The following NPAS2 variants were observed in gnomAD, a reference collection of about 807,000 sequenced individuals.
NPAS2 encodes neuronal PAS domain protein 2.
A neutral mutation model predicts 107.5 loss-of-function variants in NPAS2; 23 were observed. The observed-to-expected ratio is 0.21, with a 90% CI of 0.15 to 0.30. NPAS2 has a LOEUF of 0.30. NPAS2 is among the 10% of genes least tolerant of loss of function. The probability of loss-of-function intolerance (pLI) is 1.00; values close to 1 mark genes in which losing one functional copy is unlikely to be tolerated. For missense variants in NPAS2, 756 were observed against 1,043.3 expected (o/e 0.72, Z 3.79); for synonymous variants, 403 against 417.5 (o/e 0.97, Z 0.42).
chr2:100,854,682 G>A (rs889322183), intron 1 of NPAS2, among the ~76,000 whole-genome samples: 1 of 152,184 alleles, frequency 6.6e-6, no homozygotes, highest in African/African-American at 2.4e-5. Flanking sequence ...TGCGAGTGAG[G>A]TGACAAGTAC....
At chr2:100,851,336 AG>A (rs1678161637) in intron 1 of NPAS2, among the ~76,000 whole-genome samples, 1 of 152,248 alleles carries the variant, frequency 6.6e-6, no homozygotes, top group Non-Finnish European at 1.5e-5. Flanking sequence ...AAATCCTGAA[AG>A]GTACTTCCTG....
chr2:100,923,564 A>G (rs1683371435), intron 2 of NPAS2, among the ~76,000 whole-genome samples: 2 of 152,198 alleles, frequency 1.3e-5, no homozygotes, highest in South Asian at 4.1e-4. Context: ...ATCAGAATCC[A>G]GCAGCACACT....
chr2:100,933,090 A>G (rs1210211305), intron 4 of NPAS2, 89 bp downstream of exon 4: 2 of 935,712 alleles, frequency 2.1e-6, no homozygotes, highest in African/African-American at 1.6e-5. Flanking sequence ...AAAGGAAACT[A>G]CTGTTCTTGA....
intron 2 of NPAS2, among the ~76,000 whole-genome samples, chr2:100,923,015 A>G (rs556482888): frequency 6.6e-6 from 1 of 152,316 alleles, no homozygotes; most frequent in South Asian, 2.1e-4. Flanking sequence ...CACTCTTTAA[A>G]ATCTAGGCCA....
Position 100,921,188 on chromosome 2 carries a change from T to C in NPAS2, c.33-3958T>C, listed in dbSNP as rs189416629. Among the ~76,000 whole-genome samples, 5 of 152,342 alleles carry C rather than the reference T, an allele frequency of 3.3e-5. No homozygotes were observed. In the East Asian group the frequency reaches 9.7e-4, roughly 29 times the overall value. On this transcript the variant is annotated intron_variant, in intron 2 of 20. Transcript: ENST00000335681. The stretch of plus-strand genomic sequence containing the variant: ...GTGCACGGCCTCACAGCGTGGGCAC[T>C]GGAGCCAGCCTGTGGCACCACTTCC...
intron 16 of NPAS2, chr2:100,985,699 C>G (rs997725216): frequency 1.3e-5 from 2 of 152,122 alleles, no homozygotes; most frequent in African/African-American, 4.8e-5. Flanking sequence ...TACTATGTCT[C>G]AGGTCATTTA....
At chr2:100,890,927 C>G (rs1354485870) in intron 1 of NPAS2, among the ~76,000 whole-genome samples, 1 of 151,936 alleles carries the variant, frequency 6.6e-6, no homozygotes, top group African/African-American at 2.4e-5. Context: ...TCTGCTTAAA[C>G]TGTAAGTAAA....
At position 100,982,675 on chromosome 2, in the gene NPAS2, C is replaced by T. The variant is rs1211314269; in HGVS notation, c.1629+298C>T. ...GTGCACTTGGCGTTGGATTGCCCTG[C>T]ATGGATGCCTGCCTCGGTCCTGGGT... On this transcript the variant is annotated intron_variant, in intron 16 of 20. Coordinates refer to ENST00000335681, the MANE Select transcript of NPAS2 (RefSeq NM_002518.4). The T allele has an allele frequency of 1.4e-5, 6 of 421,358 alleles. No individual in the cohort carries two copies. The Admixed American group carries it at 2.4e-4, about 17-fold the overall frequency. The allele number at this position is 421,358 out of a possible 1,614,324, so 26.1% of individuals were successfully genotyped here.
chr2:100,987,240 C>A (rs1558943195), intron 16 of NPAS2: 1 of 152,232 alleles, frequency 6.6e-6, no homozygotes, highest in Non-Finnish European at 1.5e-5. Context: ...CCAGCGTAAA[C>A]AACTGTTTTA....
chr2:100,993,362 G>A lies in NPAS2; in HGVS notation c.2127G>A (p.Gln709=). The change falls in exon 20 of 21, where the codon CAG becomes CAA. Residue 709 remains glutamine (Q), a synonymous_variant. Coordinates refer to ENST00000335681, the MANE Select transcript of NPAS2 (RefSeq NM_002518.4). ...TGRQVKYAQS[Q]TVFQNPDAHP... ...CGTGAAACAGGTACGCCCAGAGCCA[G>A]ACCGTGTTTCAAAATCCAGACGCAC... 6.3e-7 allele frequency: 1 copy of A among 1,599,080 alleles called. No individual in the cohort carries two copies. The highest frequency in any genetic ancestry group is 1.3e-5 in the African/African-American group (1 of 74,722).
intron 5 of NPAS2, among the ~76,000 whole-genome samples, chr2:100,947,018 G>A (rs940967266): frequency 3.9e-5 from 6 of 152,092 alleles, no homozygotes; most frequent in Non-Finnish European, 8.8e-5. Context: ...GTATTCATCT[G>A]TGGTCCCCAG....
chr2:100,837,883 G>A (rs375508520), intron 1 of NPAS2, among the ~76,000 whole-genome samples: 1 of 152,166 alleles, frequency 6.6e-6, no homozygotes, highest in African/African-American at 2.4e-5. Context: ...GGGAATGACA[G>A]AGCTGGACGA....
At chr2:100,896,853 C>T (rs552774236) in intron 1 of NPAS2, among the ~76,000 whole-genome samples, 1 of 152,210 alleles carries the variant, frequency 6.6e-6, no homozygotes, top group African/African-American at 2.4e-5. Flanking sequence ...TTTTCTTCTT[C>T]ATTCCTCATG....
At chr2:100,830,484 A>G (rs1255730489) in intron 1 of NPAS2, among the ~76,000 whole-genome samples, 2 of 39,710 alleles carry the variant, frequency 5.0e-5, no homozygotes, top group African/African-American at 2.0e-4. Context: ...CCCCGACCCC[A>G]CAACAGGCCC....
intron 1 of NPAS2, among the ~76,000 whole-genome samples, chr2:100,892,983 GC>G (rs756022300): frequency 7.1e-4 from 108 of 152,268 alleles, no homozygotes; most frequent in Non-Finnish European, 1.3e-3. Context: ...CTCCCAAAGT[GC>G]TGGGATTACA....
chr2:100,890,749 T>A, intron 1 of NPAS2, among the ~76,000 whole-genome samples: 1 of 152,088 alleles, frequency 6.6e-6, no homozygotes, highest in Non-Finnish European at 1.5e-5. Context: ...TAATACATCA[T>A]AAGAGAGTCC....
At chr2:100,884,104 G>A (rs184611594) in intron 1 of NPAS2, among the ~76,000 whole-genome samples, 36 of 152,270 alleles carry the variant, frequency 2.4e-4, no homozygotes, top group Non-Finnish European at 7.4e-5. Flanking sequence ...CCCTGATTCC[G>A]GATTATGGGG....
intron 4 of NPAS2, among the ~76,000 whole-genome samples, chr2:100,935,309 A>T (rs1466718059): frequency 1.3e-5 from 2 of 152,260 alleles, no homozygotes; most frequent in East Asian, 3.8e-4. Flanking sequence ...GAAATGTTCC[A>T]TCTGATTCAG....
intron 10 of NPAS2, among the ~76,000 whole-genome samples, chr2:100,967,703 T>C (rs967811778): frequency 5.9e-5 from 9 of 152,158 alleles, no homozygotes; most frequent in Non-Finnish European, 1.3e-4. Context: ...TCCATTCTGC[T>C]CTGGACACCC....
Sources: gnomAD v4.1 joint callset for allele counts (sites outside exome capture counted in the v4.1 genomes callset) on GRCh38, gnomAD v4.1.1 for gene constraint, MANE v1.5 for transcripts, NCBI Gene and HGNC (gene_info 2026-07-23, HGNC 2026-07-21) for gene names.